The following EPC1 variants were observed in gnomAD, a reference collection of about 807,000 sequenced individuals.
EPC1 encodes the protein enhancer of polycomb 1, also known as enhancer of polycomb homolog 1.
Under a neutral mutation model 98.4 loss-of-function variants are expected in EPC1, and 12 were observed. The observed-to-expected ratio is 0.12, with a 90% CI of 0.08 to 0.20. EPC1 has a LOEUF of 0.20. EPC1 is among the 10% of genes least tolerant of loss of function. The pLI is 1.00. For missense variants in EPC1, 729 were observed against 990.5 expected (o/e 0.74, Z 3.54); for synonymous variants, 357 against 363.9 (o/e 0.98, Z 0.21).
intron 2 of EPC1, among the ~76,000 whole-genome samples, chr10:32,301,373 G>A (rs1835532717): frequency 6.6e-6 from 1 of 152,152 alleles, no homozygotes; most frequent in Non-Finnish European, 1.5e-5. Flanking sequence ...TTGACCTATA[G>A]ACTTAAGGCA....
intron 1 of EPC1, among the ~76,000 whole-genome samples, chr10:32,371,570 A>C (rs1339331516): frequency 1.3e-5 from 2 of 152,222 alleles, no homozygotes; most frequent in East Asian, 1.9e-4. Flanking sequence ...TTGGCAAATA[A>C]ATTTTAAACG....
intron 1 of EPC1, among the ~76,000 whole-genome samples, chr10:32,312,570 G>A (rs1419015858): frequency 2.6e-5 from 4 of 151,706 alleles, no homozygotes; most frequent in East Asian, 3.9e-4. Flanking sequence ...ATTTACTACC[G>A]TTAACCATCT....
rs773944881 is a variant in EPC1 at position 32,346,821 on chromosome 10, G to A, written c.95C>T (p.Ala32Val). The change falls in exon 1 of 14, where the codon GCC becomes GTC. Residue 32 changes from alanine (A) to valine (V), a missense_variant. Ala to Val is a moderately conservative substitution (Grantham distance 64, BLOSUM62 0). Coordinates refer to ENST00000319778, the MANE Select transcript of EPC1 (RefSeq NM_001272004.3). The stretch of plus-strand genomic sequence containing the variant: ...CTGCGGCACGGCCCTGTTTATCGAG[G>A]CGTATTCGTGCAGGTCGGGCAGATC... ...CEDLPDLHEY[A>V]SINRAVPQMP... The A allele has an allele frequency of 6.2e-7, 1 of 1,614,180 alleles. No homozygotes were observed.
At chr10:32,272,937 A>T in intron 11 of EPC1, 5 of 1,153,332 alleles carry the variant, frequency 4.3e-6, no homozygotes, top group South Asian at 1.3e-5. Flanking sequence ...GGAAGACAGT[A>T]TCTTCATCTC....
intron 2 of EPC1, among the ~76,000 whole-genome samples, chr10:32,297,484 A>C (rs903663498): frequency 1.3e-5 from 2 of 151,952 alleles, no homozygotes; most frequent in Non-Finnish European, 2.9e-5. Context: ...ATGGGGTTTC[A>C]CCATGTTGAC....
chr10:32,345,596 G>T (rs937092881), intron 1 of EPC1: 1 of 985,426 alleles, frequency 1.0e-6, no homozygotes. Context: ...CTTAGGATTA[G>T]AAGTCATCAA....
In EPC1 at chr10:32,377,613, C is replaced by T. The variant is rs139227779; in HGVS notation, c.3+878G>A. Among the ~76,000 whole-genome samples the T allele has an allele frequency of 1.8e-4, 27 of 152,266 alleles. No individual in the cohort carries two copies. The East Asian group carries it at 4.6e-3, about 26-fold the overall frequency. On this transcript the variant is annotated intron_variant, in intron 1 of 13. Coordinates refer to the EPC1 transcript ENST00000375110. ...CACAGAAAACATTTAAATAACACAA[C>T]TGAATACTTCCACTGACTAAAATGA...
At chr10:32,353,650 C>A (rs886479202) in intron 1 of EPC1, among the ~76,000 whole-genome samples, 2 of 152,102 alleles carry the variant, frequency 1.3e-5, no homozygotes, top group African/African-American at 2.4e-5. Flanking sequence ...TACATCCTCA[C>A]GGGACTAATA....
chr10:32,316,040 A>T (rs527512827), intron 1 of EPC1, among the ~76,000 whole-genome samples: 5 of 152,296 alleles, frequency 3.3e-5, no homozygotes, highest in Admixed American at 1.3e-4. Context: ...CTATAGTCAT[A>T]CTGGATTCCT....
intron 2 of EPC1, among the ~76,000 whole-genome samples, chr10:32,294,391 T>G (rs1235281611): frequency 6.6e-6 from 1 of 152,264 alleles, no homozygotes; most frequent in East Asian, 1.9e-4. Flanking sequence ...ATACTTTATA[T>G]GCATAGCCTG....
rs1417388952 is a variant in EPC1 at position 32,305,950 on chromosome 10, A to G, written c.154-19T>C. 3.1e-6 allele frequency: 5 copies of G among 1,588,912 alleles called. No individual in the cohort carries two copies. Among genetic ancestry groups the G allele is most frequent in the Non-Finnish European group, 4.3e-6 (5 of 1,171,752 alleles). On this transcript the variant is annotated intron_variant, in intron 1 of 13. Transcript: ENST00000319778. The stretch of plus-strand genomic sequence containing the variant: ...GATGTTCCTAAAAAGAAGAAAAAAC[A>G]GGTAAGTTCATGTATTTTTAAAAAG...
intron 1 of EPC1, among the ~76,000 whole-genome samples, chr10:32,308,459 T>C (rs950990552): frequency 4.6e-5 from 7 of 152,010 alleles, no homozygotes; most frequent in Admixed American, 6.6e-5. Flanking sequence ...TATTACCACA[T>C]CCTCCCACCT....
At chr10:32,290,966 G>A (rs1482927260) in intron 6 of EPC1, among the ~76,000 whole-genome samples, 197 bp downstream of exon 6, 1 of 151,830 alleles carries the variant, frequency 6.6e-6, no homozygotes, top group Non-Finnish European at 1.5e-5. Context: ...TAGTAGAGAC[G>A]GGGTTTCACC....
chr10:32,356,755 C>G (rs1026358901), intron 1 of EPC1, among the ~76,000 whole-genome samples: 2 of 152,102 alleles, frequency 1.3e-5, no homozygotes, highest in Non-Finnish European at 2.9e-5. Context: ...GAGGCCGAGG[C>G]GGGCGGATCA....
At chr10:32,314,015 A>C (rs974866741) in intron 1 of EPC1, among the ~76,000 whole-genome samples, 17 of 152,222 alleles carry the variant, frequency 1.1e-4, no homozygotes, top group Admixed American at 4.6e-4. Context: ...TATTTACGAT[A>C]ATTAGGTTCA....
At chr10:32,290,505 A>AAGAAAGAAAG (rs1554819134) in intron 6 of EPC1, among the ~76,000 whole-genome samples, 2 of 77,528 alleles carry the variant, frequency 2.6e-5, no homozygotes, top group African/African-American at 5.5e-5. Flanking sequence ...AAAAAAAAAA[A>AAGAAAGAAAG]AAAGAAAGAA....
intron 1 of EPC1, among the ~76,000 whole-genome samples, chr10:32,362,267 A>G (rs1839464238): frequency 1.3e-5 from 2 of 151,858 alleles, no homozygotes; most frequent in Admixed American, 1.3e-4. Context: ...TATAGTTTAG[A>G]TATGTGTCCC....
At chr10:32,364,292 C>T (rs1289081253) in intron 1 of EPC1, among the ~76,000 whole-genome samples, 1 of 151,938 alleles carries the variant, frequency 6.6e-6, no homozygotes, top group Non-Finnish European at 1.5e-5. Flanking sequence ...CCTCAGCCTC[C>T]CAAAGTGCTG....
At chr10:32,367,591 G>T (rs1308268488) in intron 1 of EPC1, among the ~76,000 whole-genome samples, 1 of 151,964 alleles carries the variant, frequency 6.6e-6, no homozygotes, top group East Asian at 1.9e-4. Flanking sequence ...ATTTTTTCAA[G>T]TTTCCCCACT....
Sources: allele counts gnomAD v4.1 joint callset (sites outside exome capture counted in the v4.1 genomes callset), GRCh38; gene constraint gnomAD v4.1.1; transcripts MANE v1.5; gene names NCBI Gene and HGNC (gene_info 2026-07-23, HGNC 2026-07-21).